The following CNTN1 variants were observed in gnomAD, a reference collection of about 807,000 sequenced individuals.
The protein encoded by CNTN1 is contactin-1.
In CNTN1, 38 loss-of-function variants were observed where a neutral mutation model predicts 126.4. The ratio of observed to expected loss-of-function variants is 0.30; its 90% CI spans 0.23 to 0.39. The LOEUF is 0.39. Ranked by LOEUF, CNTN1 falls within the 10% of genes least tolerant of loss-of-function variation. The probability of loss-of-function intolerance (pLI) is 1.00; values close to 1 mark genes in which losing one functional copy is unlikely to be tolerated. For missense variants in CNTN1, 1,009 were observed against 1,248.4 expected, an observed-to-expected ratio of 0.81 and a Z score of 2.89; for synonymous variants, 413 against 422.6, an observed-to-expected ratio of 0.98 and a Z score of 0.28.
At chr12:40,920,613 C>T (rs1945403822) in intron 4 of CNTN1, among the ~76,000 whole-genome samples, 1 of 152,098 alleles carries the variant, frequency 6.6e-6, no homozygotes, top group Non-Finnish European at 1.5e-5. Context: ...ACAAATTATA[C>T]TAACCTTGGT....
At chr12:41,021,396 C>A (rs1224372040) in intron 20 of CNTN1, among the ~76,000 whole-genome samples, 1 of 150,264 alleles carries the variant, frequency 6.7e-6, no homozygotes, top group African/African-American at 2.4e-5. Flanking sequence ...CCTCCCTTAT[C>A]CCTTGTCCAT....
chr12:40,764,449 A>G (rs1938996783), intron 1 of CNTN1, among the ~76,000 whole-genome samples: 1 of 152,216 alleles, frequency 6.6e-6, no homozygotes, highest in Non-Finnish European at 1.5e-5. Flanking sequence ...GTGTTTTCTA[A>G]TTGTTTTTTA....
rs566936345 is a variant in CNTN1 at position 40,815,694 on chromosome 12, G to A, written c.-76-92663G>A. Among the ~76,000 whole-genome samples, 7 of 152,218 alleles carry A rather than the reference G, an allele frequency of 4.6e-5. No homozygotes were observed. The South Asian group carries it at 1.2e-3, about 27-fold the overall frequency. On this transcript the variant is annotated intron_variant, in intron 1 of 23. Transcript: ENST00000551295. ...AGAACTTCCAATTCTATGTTGAATAGGAATGGTGAGAAAGGGCATCCTTGT... is the reference window on the plus strand; with the variant it reads ...AGAACTTCCAATTCTATGTTGAATAAGAATGGTGAGAAAGGGCATCCTTGT...
chr12:40,978,966 A>G (rs1046895435), intron 15 of CNTN1: 2 of 152,144 alleles, frequency 1.3e-5, no homozygotes, highest in African/African-American at 4.8e-5. Context: ...AACACTCTGA[A>G]ATATTCTACT....
intron 3 of CNTN1, among the ~76,000 whole-genome samples, chr12:40,913,308 C>T (rs1945111752): frequency 6.6e-6 from 1 of 152,108 alleles, no homozygotes; most frequent in African/African-American, 2.4e-5. Flanking sequence ...AAATGGTTGG[C>T]AGTGGAGATA....
chr12:40,820,189 G>T (rs566446821), intron 1 of CNTN1, among the ~76,000 whole-genome samples: 58 of 152,306 alleles, frequency 3.8e-4, no homozygotes, highest in African/African-American at 1.3e-3. Flanking sequence ...AAGAGAGAGG[G>T]TGAGGAAGTA....
intron 20 of CNTN1, 46 bp from the exon 21 acceptor site, chr12:41,025,104 A>G (rs981297593): frequency 6.3e-7 from 1 of 1,591,460 alleles, no homozygotes; most frequent in Non-Finnish European, 8.6e-7. Flanking sequence ...TCATAGCTGA[A>G]GACTCTAAAT....
At chr12:41,034,968 C>T (rs1413806989) in intron 23 of CNTN1, among the ~76,000 whole-genome samples, 1 of 152,202 alleles carries the variant, frequency 6.6e-6, no homozygotes, top group African/African-American at 2.4e-5. Flanking sequence ...CAACTCCCAG[C>T]ACAGGGAGTT....
Position 40,922,278 on chromosome 12 carries a change from G to C in CNTN1, c.250G>C (p.Val84Leu). The C allele has an allele frequency of 6.2e-7, 1 of 1,613,932 alleles. No individual in the cohort carries two copies. The highest frequency in any genetic ancestry group is 1.1e-5 in the South Asian group (1 of 91,082). ...TAGATGGAGAATGAATAATGGGGACGTTGATCTCACAAGTGATCGATACAG... is the reference window on the plus strand; with the variant it reads ...TAGATGGAGAATGAATAATGGGGACCTTGATCTCACAAGTGATCGATACAG... ...VYKWRMNNGD[V>L]DLTSDRYSMV... Residue 84 changes from valine (V) to leucine (L), a missense_variant, in exon 5 of 24, where the codon GTT (valine) becomes CTT (leucine). Val to Leu is a conservative substitution (Grantham distance 32). Transcript: ENST00000551295.
At chr12:40,858,503 C>T (rs1942998220) in intron 1 of CNTN1, among the ~76,000 whole-genome samples, 1 of 152,032 alleles carries the variant, frequency 6.6e-6, no homozygotes, top group African/African-American at 2.4e-5. Context: ...ACAACAGATG[C>T]TGGAGAGGCT....
At chr12:41,065,140 C>T (rs61924412) in intron 23 of CNTN1, among the ~76,000 whole-genome samples, 2,866 of 152,316 alleles carry the variant, frequency 0.019, 40 homozygotes, top group Non-Finnish European at 0.031. Context: ...ACTGCAAGCT[C>T]TGCCTCCCGG....
intron 1 of CNTN1, chr12:40,896,221 G>T (rs543141316): frequency 1.3e-5 from 2 of 151,998 alleles, no homozygotes; most frequent in African/African-American, 4.8e-5. Context: ...TTATGCACAT[G>T]TATTTATTAA....
chr12:40,794,341 G>T (rs1208233531), intron 1 of CNTN1, among the ~76,000 whole-genome samples: 1 of 151,976 alleles, frequency 6.6e-6, no homozygotes, highest in African/African-American at 2.4e-5. Flanking sequence ...GTACAGAGTG[G>T]AATAGTGTTT....
At chr12:40,755,190 C>CAAAAAA (rs557970110) in intron 1 of CNTN1, among the ~76,000 whole-genome samples, 11 of 78,198 alleles carry the variant, frequency 1.4e-4, no homozygotes, top group African/African-American at 5.0e-4. Flanking sequence ...GACCCCACCT[C>CAAAAAA]AAAAAAAAAA....
intron 1 of CNTN1, among the ~76,000 whole-genome samples, chr12:40,746,309 A>G (rs1208502136): frequency 6.6e-6 from 1 of 152,122 alleles, no homozygotes; most frequent in African/African-American, 2.4e-5. Context: ...TTGATTCTGT[A>G]TTTATTATTC....
Position 40,759,774 on chromosome 12 carries a change from ATTTT to A in CNTN1, c.-77+67198_-77+67201del, listed in dbSNP as rs33992864. ...GTGAGCCACCTCACTTGGCCCAGAT[ATTTT>A]TTTTTTTTTTTTTTTCAAAAAGCCA... On this transcript the variant is annotated intron_variant, in intron 1 of 23. Transcript: ENST00000551295. 3.6e-4 allele frequency among the ~76,000 whole-genome samples: 48 copies of A among 133,584 alleles called. No individual in the cohort carries two copies. In the South Asian group the frequency reaches 0.01, roughly 29 times the overall value. The allele number at this position is 133,584 out of a possible 152,430, so 87.6% of individuals were successfully genotyped here. A position where few individuals can be genotyped will look rare whatever the true frequency, so the allele number is the denominator to read the frequency against.
chr12:40,843,230 A>G (rs182511408), intron 1 of CNTN1, among the ~76,000 whole-genome samples: 10 of 152,226 alleles, frequency 6.6e-5, no homozygotes, highest in Admixed American at 6.5e-4. Flanking sequence ...TACAAATATT[A>G]TGTTGTAAAT....
chr12:40,857,882 G>GGTA (rs1280012689), intron 1 of CNTN1, among the ~76,000 whole-genome samples: 2 of 152,050 alleles, frequency 1.3e-5, no homozygotes, highest in Non-Finnish European at 2.9e-5. Context: ...TCTTGTCTCT[G>GGTA]GTAGTGGTGG....
chr12:41,022,362 C>G (rs1196969227), intron 20 of CNTN1, among the ~76,000 whole-genome samples: 1 of 152,122 alleles, frequency 6.6e-6, no homozygotes, highest in Non-Finnish European at 1.5e-5. Context: ...CCTTTTCCAA[C>G]TTACATTAAG....
Sources: gnomAD v4.1 joint callset for allele counts (sites outside exome capture counted in the v4.1 genomes callset) on GRCh38, gnomAD v4.1.1 for gene constraint, MANE v1.5 for transcripts, NCBI Gene and HGNC (gene_info 2026-07-23, HGNC 2026-07-21) for gene names.